DOCK2: variants seen among roughly 807,000 people sequenced by gnomAD.
DOCK2 encodes dedicator of cytokinesis protein 2.
Under a neutral mutation model 248.9 loss-of-function variants are expected in DOCK2, and 87 were observed. The observed-to-expected ratio is 0.35, with a 90% CI of 0.29 to 0.42. The LOEUF (loss-of-function observed/expected upper bound fraction) is 0.42. DOCK2 is among the 10% of genes least tolerant of loss of function. The pLI is 1.00. For synonymous variants in DOCK2, 805 were observed against 821.6 expected (o/e 0.98, Z 0.35); for missense variants, 1,747 against 2,300.2 (o/e 0.76, Z 4.92).
In DOCK2 at chr5:170,022,173, C is replaced by T. The variant is rs1022900961; in HGVS notation, c.3381+3065C>T. Among the ~76,000 whole-genome samples, 12 of 152,310 alleles carry T rather than the reference C, an allele frequency of 7.9e-5. No individual in the cohort carries two copies. In the East Asian group the frequency reaches 2.1e-3, roughly 27 times the overall value. Reference sequence around the variant, plus strand: ...CTTTTATATCTTTGCCTGAAGAGATCCTAGACACCCTTCAGCTGAGGCTTT... The same window carrying T: ...CTTTTATATCTTTGCCTGAAGAGATTCTAGACACCCTTCAGCTGAGGCTTT... On this transcript the variant is annotated intron_variant, in intron 33 of 51. Transcript: ENST00000520908.
At chr5:169,838,796 G>A (rs960727395) in intron 26 of DOCK2, among the ~76,000 whole-genome samples, 1 of 152,204 alleles carries the variant, frequency 6.6e-6, no homozygotes, top group Non-Finnish European at 1.5e-5. Flanking sequence ...GGGCTAGAGA[G>A]TCTGGGAGTA....
intron 1 of DOCK2, among the ~76,000 whole-genome samples, chr5:169,639,594 C>G (rs909672731): frequency 6.6e-6 from 1 of 152,196 alleles, no homozygotes; most frequent in African/African-American, 2.4e-5. Context: ...GTGATCAGGT[C>G]CACCTTCCAG....
At chr5:170,004,825 C>A (rs1298542344) in intron 30 of DOCK2, among the ~76,000 whole-genome samples, 2 of 147,738 alleles carry the variant, frequency 1.4e-5, no homozygotes, top group Non-Finnish European at 3.0e-5. Context: ...GAACAAAAAA[C>A]CAAACACCGC....
At chr5:170,025,844 C>CTTCT (rs1348946342) in intron 33 of DOCK2, among the ~76,000 whole-genome samples, 1 of 64,686 alleles carries the variant, frequency 1.5e-5, no homozygotes, top group South Asian at 6.7e-4. Flanking sequence ...TCCTTCCTTC[C>CTTCT]TTCTTTCCTT....
chr5:169,693,133 T>G (rs1760404612), intron 9 of DOCK2, among the ~76,000 whole-genome samples: 1 of 152,028 alleles, frequency 6.6e-6, no homozygotes, highest in Non-Finnish European at 1.5e-5. Flanking sequence ...GAATCCTAAT[T>G]TGAGGAGAGA....
chr5:169,975,842 C>A (rs932632621), intron 27 of DOCK2, among the ~76,000 whole-genome samples: 6 of 152,200 alleles, frequency 3.9e-5, no homozygotes, highest in Admixed American at 3.9e-4. Context: ...CCTTTGGTAA[C>A]CTCAGCTGTA....
chr5:170,040,505 A>C (rs1014259083), intron 36 of DOCK2: 14 of 156,638 alleles, frequency 8.9e-5, no homozygotes, highest in African/African-American at 3.2e-4. Flanking sequence ...CAAAAAATGC[A>C]CTTACTTACA....
chr5:170,004,718 C>A (rs1754957298), intron 30 of DOCK2, among the ~76,000 whole-genome samples: 1 of 144,964 alleles, frequency 6.9e-6, no homozygotes, highest in Non-Finnish European at 1.5e-5. Context: ...ACATATACAC[C>A]ATGGAATACT....
intron 27 of DOCK2, among the ~76,000 whole-genome samples, chr5:169,900,238 G>A (rs997069023): frequency 1.3e-5 from 2 of 152,140 alleles, no homozygotes; most frequent in African/African-American, 4.8e-5. Flanking sequence ...ACCATCCCAG[G>A]CCCTAACCTG....
At chr5:169,668,466 G>T (rs1207979243) in intron 2 of DOCK2, among the ~76,000 whole-genome samples, 1 of 152,154 alleles carries the variant, frequency 6.6e-6, no homozygotes, top group East Asian at 1.9e-4. Context: ...ATGTCTGTTG[G>T]GAACATATTT....
Position 169,670,452 on chromosome 5 carries a change from G to GA in DOCK2, c.169-83dup, listed in dbSNP as rs1218764945. 6.9e-6 allele frequency: 10 copies of GA among 1,454,400 alleles called. No individual in the cohort carries two copies. In the African/African-American group the frequency reaches 1.3e-4, roughly 19 times the overall value. The allele number at this position is 1,454,400 out of a possible 1,614,324, so 90.1% of individuals were successfully genotyped here. A position where few individuals can be genotyped will look rare whatever the true frequency, so the allele number is the denominator to read the frequency against. On this transcript the variant is annotated intron_variant, in intron 3 of 51. Transcript: ENST00000520908. ...GGATTTTATAAGCCAGTAGCTTTTG[G>GA]AAAAAAATTATAAAGACGTAGGGTC...
chr5:170,034,437 A>G lies in DOCK2; in HGVS notation c.3506A>G (p.Lys1169Arg), dbSNP rs768124036. Residue 1169 changes from lysine to arginine, a missense_variant, in exon 35 of 52, where the codon AAG becomes AGG. This residue lies in a region of DOCK2 where 858 missense variants were observed against 1,183.5 expected (regional missense o/e 0.72). Transcript: ENST00000520908. ...GCTGCAGAGCACCCAACCATTGCCA[A>G]GTCGGTGGAGAACTTCGTGAACCTG... ...ECAAEHPTIA[K>R]SVENFVNLVK... 7 of 1,614,030 alleles carry G rather than the reference A, an allele frequency of 4.3e-6. No homozygotes were observed. In the African/African-American group the frequency reaches 6.7e-5, roughly 15 times the overall value.
chr5:169,805,921 C>T (rs537838054), intron 26 of DOCK2, among the ~76,000 whole-genome samples: 1 of 152,290 alleles, frequency 6.6e-6, no homozygotes, highest in South Asian at 2.1e-4. Flanking sequence ...CCACCCCTTT[C>T]TCCGGGTGAG....
At chr5:170,034,305 C>G in intron 34 of DOCK2, 94 bp from the exon 35 acceptor site, 2 of 1,498,238 alleles carry the variant, frequency 1.3e-6, no homozygotes, top group Non-Finnish European at 1.8e-6. Flanking sequence ...GGTTGACTGA[C>G]TGATTTTGCA....
At position 170,050,402 on chromosome 5, in the gene DOCK2, C is replaced by T. The variant is rs1270549568; in HGVS notation, c.4213+5C>T. Reference sequence around the variant, plus strand: ...TGAAGAATGCCCCAGGCCAGTGTATCCTTGGAGAATGCCCTAGCCAAGGGG... The same window carrying T: ...TGAAGAATGCCCCAGGCCAGTGTATTCTTGGAGAATGCCCTAGCCAAGGGG... On this transcript the variant is annotated splice_donor_5th_base_variant and intron_variant, in intron 41 of 51. Transcript: ENST00000520908. The T allele has an allele frequency of 6.2e-7, 1 of 1,613,334 alleles. No homozygotes were observed. Among genetic ancestry groups the T allele is most frequent in the Non-Finnish European group, 8.5e-7 (1 of 1,179,552 alleles).
At chr5:169,962,444 A>G (rs1254905125) in intron 27 of DOCK2, among the ~76,000 whole-genome samples, 1 of 152,070 alleles carries the variant, frequency 6.6e-6, no homozygotes, top group Non-Finnish European at 1.5e-5. Flanking sequence ...AAAGAAGAGA[A>G]CCAGATTTGG....
At chr5:169,991,746 G>A (rs1778215238) in intron 29 of DOCK2, among the ~76,000 whole-genome samples, 1 of 152,220 alleles carries the variant, frequency 6.6e-6, no homozygotes, top group South Asian at 2.1e-4. Flanking sequence ...GAGCCAGTGT[G>A]TCCTTCTGGT....
chr5:170,063,343 C>A (rs1757394484), intron 44 of DOCK2, among the ~76,000 whole-genome samples: 2 of 152,164 alleles, frequency 1.3e-5, no homozygotes, highest in African/African-American at 4.8e-5. Context: ...AGGGAGCAGG[C>A]ATATGCAATT....
chr5:169,685,226 G>A, intron 8 of DOCK2, among the ~76,000 whole-genome samples: 1 of 152,214 alleles, frequency 6.6e-6, no homozygotes, highest in East Asian at 1.9e-4. Context: ...TACTGCAAGG[G>A]GCAGTGGTTG....
Sources: allele counts gnomAD v4.1 joint callset (sites outside exome capture counted in the v4.1 genomes callset), GRCh38; gene constraint gnomAD v4.1.1; regional missense constraint gnomAD v4.1.1; transcripts MANE v1.5; gene names NCBI Gene and HGNC (gene_info 2026-07-23, HGNC 2026-07-21).